The following PRDM2 variants were observed in gnomAD, a reference collection of about 807,000 sequenced individuals.
PRDM2 encodes PR domain zinc finger protein 2.
A neutral mutation model predicts 130.0 loss-of-function variants in PRDM2; 30 were observed. The ratio of observed to expected loss-of-function variants is 0.23; its 90% CI spans 0.17 to 0.31. PRDM2 has a LOEUF of 0.31. PRDM2 is among the 10% of genes least tolerant of loss of function. The probability of loss-of-function intolerance (pLI) is 1.00; values close to 1 mark genes in which losing one functional copy is unlikely to be tolerated. For missense variants in PRDM2, 2,011 were observed against 2,108.4 expected, an observed-to-expected ratio of 0.95 and a Z score of 0.90; for synonymous variants, 871 against 782.4, an observed-to-expected ratio of 1.11 and a Z score of -1.89.
At chr1:13,800,301 T>G (rs1309274629) in intron 8 of PRDM2, among the ~76,000 whole-genome samples, 1 of 151,620 alleles carries the variant, frequency 6.6e-6, no homozygotes, top group Non-Finnish European at 1.5e-5. Context: ...ACTTCTGGAG[T>G]GGAAATGGGG....
At position 13,779,879 on chromosome 1, in the gene PRDM2, T is replaced by C; in HGVS notation, c.2084T>C (p.Leu695Pro). Residue 695 changes from leucine (L) to proline (P), a missense_variant, in exon 8 of 10, where the codon CTT becomes CCT. Transcript: ENST00000311066. This position sits in a 1 kb window ranked among gnomAD's most constrained non-coding sequence, Gnocchi z 4.9. Reference protein sequence around the residue: ...VYLSSKLKQLLQTQDKLTPAG... With the variant: ...VYLSSKLKQLPQTQDKLTPAG... ...TTGTCATCAAAGCTCAAACAACTTC[T>C]TCAAACCCAAGATAAACTAACTCCT... is the stretch of plus-strand genomic sequence containing the variant. 6.2e-7 allele frequency: 1 copy of C among 1,606,028 alleles called. No homozygotes were observed.
In PRDM2 at chr1:13,782,529, G is replaced by A. The variant is rs145161970; in HGVS notation, c.4734G>A (p.Pro1578=). 91 of 1,613,964 alleles carry A rather than the reference G, an allele frequency of 5.6e-5. No homozygotes were observed. The highest frequency in any genetic ancestry group is 7.5e-5 in the Non-Finnish European group (89 of 1,180,030). Residue 1578 remains proline, a synonymous_variant, in exon 8 of 10, where the codon CCG becomes CCA. Coordinates refer to ENST00000311066, the MANE Select transcript of PRDM2 (RefSeq NM_001393986.1). ...CCTCCTCTTTAAGGAACTCCAGCCC[G>A]ATAAGAATGGCCAAAATAACTCATG... is the stretch of plus-strand genomic sequence containing the variant. The part of the protein sequence containing the change: ...PSSSSLRNSS[P]IRMAKITHVE...
intron 4 of PRDM2, among the ~76,000 whole-genome samples, chr1:13,735,951 T>A (rs1643255647): frequency 6.6e-6 from 1 of 152,200 alleles, no homozygotes; most frequent in Non-Finnish European, 1.5e-5. Flanking sequence ...TGCTTCTCTA[T>A]TTTCAGCCTC....
intron 8 of PRDM2, among the ~76,000 whole-genome samples, chr1:13,799,192 C>T (rs562727742): frequency 1.3e-3 from 197 of 152,258 alleles, no homozygotes; most frequent in African/African-American, 4.5e-3. Context: ...GCCTGTAATC[C>T]TAGCACTTTG....
chr1:13,701,615 AT>A (rs1317480048), intron 1 of PRDM2, among the ~76,000 whole-genome samples: 4 of 152,084 alleles, frequency 2.6e-5, no homozygotes, highest in Non-Finnish European at 5.9e-5. Context: ...TATTGGCCAA[AT>A]TTTTACATGT....
intron 8 of PRDM2, among the ~76,000 whole-genome samples, chr1:13,804,709 C>G (rs557838983): frequency 6.6e-6 from 1 of 152,158 alleles, no homozygotes; most frequent in African/African-American, 2.4e-5. Context: ...CTGAAACCAA[C>G]GAAATCAGAA....
At chr1:13,764,317 G>A (rs1644173882) in intron 6 of PRDM2, among the ~76,000 whole-genome samples, 1 of 152,082 alleles carries the variant, frequency 6.6e-6, no homozygotes, top group African/African-American at 2.4e-5. Flanking sequence ...AAGGTTTTCA[G>A]ATTTTAGGTA....
At chr1:13,751,228 A>T (rs1311642594) in intron 6 of PRDM2, among the ~76,000 whole-genome samples, 3 of 152,130 alleles carry the variant, frequency 2.0e-5, no homozygotes, top group Non-Finnish European at 2.9e-5. Context: ...ACCTGCGTAG[A>T]CTGTTGGTGT....
chr1:13,713,138 G>GGT (rs1557593662), intron 1 of PRDM2, among the ~76,000 whole-genome samples: 3 of 151,880 alleles, frequency 2.0e-5, no homozygotes, highest in Non-Finnish European at 4.4e-5. Context: ...TTTGCATAGA[G>GGT]ATTGTAGTAA....
At chr1:13,712,516 G>A (rs1642402292) in intron 1 of PRDM2, among the ~76,000 whole-genome samples, 1 of 152,120 alleles carries the variant, frequency 6.6e-6, no homozygotes, top group Non-Finnish European at 1.5e-5. Context: ...TTTCTTTCAT[G>A]CCTAAGATCT....
At chr1:13,769,372 C>T (rs1295997945) in intron 6 of PRDM2, among the ~76,000 whole-genome samples, 1 of 152,206 alleles carries the variant, frequency 6.6e-6, no homozygotes, top group Non-Finnish European at 1.5e-5. Context: ...GCAGGTTCCA[C>T]CGCCTGTTGC....
intron 9 of PRDM2, among the ~76,000 whole-genome samples, chr1:13,819,895 C>G (rs1026339335): frequency 2.0e-5 from 3 of 152,306 alleles, no homozygotes; most frequent in South Asian, 2.1e-4. Flanking sequence ...AAAGGCCCCA[C>G]CTCCAAATAC....
Position 13,783,338 on chromosome 1 carries a change from T to G in PRDM2, c.5036+507T>G, listed in dbSNP as rs147591921. 3,134 of 364,014 alleles carry G rather than the reference T, an allele frequency of 8.6e-3. 21 individuals carry two copies. The highest frequency in any genetic ancestry group is 0.013 in the Non-Finnish European group (2,388 of 186,516). The allele number at this position is 364,014 out of a possible 1,614,324, so 22.5% of individuals were successfully genotyped here. The stretch of plus-strand genomic sequence containing the variant: ...CAATGCTTAAATTTTAATAATTGAT[T>G]GCATCGGTCAAAACAAAACATAGTC... On this transcript the variant is annotated intron_variant, in intron 8 of 9. Coordinates refer to ENST00000311066, the MANE Select transcript of PRDM2 (RefSeq NM_001393986.1).
chr1:13,768,663 T>C (rs1229520551), intron 6 of PRDM2, among the ~76,000 whole-genome samples: 1 of 152,184 alleles, frequency 6.6e-6, no homozygotes, highest in Admixed American at 6.5e-5. Flanking sequence ...GGATTACAGG[T>C]GTGACCCACT....
chr1:13,783,791 G>A (rs1372802926), intron 8 of PRDM2, among the ~76,000 whole-genome samples: 1 of 152,110 alleles, frequency 6.6e-6, no homozygotes, highest in East Asian at 1.9e-4. Context: ...TAGCATTTCT[G>A]CAAAATACTT....
intron 8 of PRDM2, among the ~76,000 whole-genome samples, chr1:13,809,626 G>A (rs74058414): frequency 0.038 from 5,723 of 152,266 alleles, 358 homozygotes; most frequent in African/African-American, 0.13. Flanking sequence ...AAGGCCAGAT[G>A]TGGGCTGGGC....
intron 2 of PRDM2, chr1:13,722,779 C>T (rs1187860015): frequency 1.4e-5 from 7 of 504,786 alleles, no homozygotes; most frequent in African/African-American, 5.8e-5. Context: ...TTCTCTTGAA[C>T]GTTGACAGTC....
intron 8 of PRDM2, among the ~76,000 whole-genome samples, chr1:13,808,463 C>CAAA (rs58838331): frequency 1.0e-4 from 6 of 58,924 alleles, no homozygotes; most frequent in African/African-American, 1.2e-4. Context: ...GACTCTGTCT[C>CAAA]AAAAAAAAAA....
At chr1:13,802,822 T>G (rs1422837589) in intron 8 of PRDM2, among the ~76,000 whole-genome samples, 1 of 152,158 alleles carries the variant, frequency 6.6e-6, no homozygotes, top group Non-Finnish European at 1.5e-5. Flanking sequence ...CTCCTACTCT[T>G]AGAAGTTGCC....
Sources: gnomAD v4.1 joint callset for allele counts (sites outside exome capture counted in the v4.1 genomes callset) on GRCh38, gnomAD v4.1.1 for gene constraint, Gnocchi (gnomAD v3.1) non-coding constraint, MANE v1.5 for transcripts, NCBI Gene and HGNC (gene_info 2026-07-23, HGNC 2026-07-21) for gene names.